Variants in GALNTL6 observed in about 807,000 individuals in gnomAD.
GALNTL6 encodes polypeptide N-acetylgalactosaminyltransferase-like 6.
GALNTL6 carries 46 observed loss-of-function variants against 73.7 expected under a neutral mutation model. The observed-to-expected ratio is 0.62, with a 90% CI of 0.49 to 0.80. GALNTL6 has a LOEUF of 0.80. Among genes scored for constraint, GALNTL6 ranks in the 30% least tolerant of loss-of-function variants. The pLI, the probability that GALNTL6 is intolerant of heterozygous loss-of-function variation, is 0.00. For missense variants in GALNTL6, 604 were observed against 755.0 expected, an observed-to-expected ratio of 0.80 and a Z score of 2.34; for synonymous variants, 259 against 263.7, an observed-to-expected ratio of 0.98 and a Z score of 0.17.
intron 5 of GALNTL6, among the ~76,000 whole-genome samples, chr4:172,592,458 G>A (rs1737674561): frequency 6.6e-6 from 1 of 152,046 alleles, no homozygotes; most frequent in Admixed American, 6.6e-5. Context: ...CATGAGATTT[G>A]GTGGGGATAA....
chr4:172,336,275 G>T (rs2654769), intron 4 of GALNTL6, among the ~76,000 whole-genome samples: 124,112 of 125,954 alleles, frequency 0.99, 61,205 homozygotes, highest in Non-Finnish European at 1. Flanking sequence ...GTTTTGTTTT[G>T]TTTTTTTTTT....
Position 172,952,168 on chromosome 4 carries a change from C to T in GALNTL6, c.1281C>T (p.Cys427=). ...AQKELRKQLK[C]KDFKWFMAAV... is the part of the protein sequence containing the mutation. ...AGGAGCTGCGCAAGCAGCTCAAGTGCAAGGACTTCAAATGGTTCATGGCTG... is the reference window on the plus strand; with the variant it reads ...AGGAGCTGCGCAAGCAGCTCAAGTGTAAGGACTTCAAATGGTTCATGGCTG... Residue 427 remains cysteine, a synonymous_variant, in exon 10 of 13, where the codon TGC becomes TGT. Coordinates refer to ENST00000506823, the MANE Select transcript of GALNTL6 (RefSeq NM_001034845.3). The T allele has an allele frequency of 6.2e-7, 1 of 1,614,104 alleles. No individual in the cohort carries two copies. Among genetic ancestry groups the T allele is most frequent in the Non-Finnish European group, 8.5e-7 (1 of 1,180,018 alleles).
intron 2 of GALNTL6, among the ~76,000 whole-genome samples, chr4:172,209,323 T>A (rs1361462001): frequency 6.6e-6 from 1 of 151,944 alleles, no homozygotes; most frequent in African/African-American, 2.4e-5. Flanking sequence ...ACTGCGAGAT[T>A]GATATTATTT....
intron 2 of GALNTL6, among the ~76,000 whole-genome samples, chr4:172,058,843 C>A (rs143604257): frequency 6.6e-6 from 1 of 152,232 alleles, no homozygotes; most frequent in African/African-American, 2.4e-5. Context: ...TCTTATAAGT[C>A]TTCAAAAGGG....
chr4:172,106,600 A>T (rs1039634186), intron 2 of GALNTL6, among the ~76,000 whole-genome samples: 12 of 152,188 alleles, frequency 7.9e-5, no homozygotes, highest in Non-Finnish European at 1.3e-4. Flanking sequence ...ACAGGAAATT[A>T]TCTATTTCCT....
At chr4:173,028,071 G>A (rs778142288) in intron 12 of GALNTL6, among the ~76,000 whole-genome samples, 29 of 152,158 alleles carry the variant, frequency 1.9e-4, no homozygotes, top group Non-Finnish European at 3.8e-4. Flanking sequence ...TCTCAATATT[G>A]TGAAGATGTC....
chr4:172,542,810 T>C (rs1489459228), intron 5 of GALNTL6, among the ~76,000 whole-genome samples: 3 of 152,064 alleles, frequency 2.0e-5, no homozygotes, highest in Admixed American at 1.3e-4. Flanking sequence ...ACAGCTGTGC[T>C]GGCCGGGCGC....
intron 5 of GALNTL6, among the ~76,000 whole-genome samples, chr4:172,384,371 G>T (rs997578047): frequency 1.3e-5 from 2 of 151,764 alleles, no homozygotes; most frequent in Non-Finnish European, 2.9e-5. Flanking sequence ...TTTAATCTAG[G>T]TTATCTAATT....
At chr4:172,604,663 C>T (rs1350080964) in intron 5 of GALNTL6, among the ~76,000 whole-genome samples, 2 of 152,104 alleles carry the variant, frequency 1.3e-5, no homozygotes, top group Admixed American at 6.6e-5. Flanking sequence ...AAAATAAGAA[C>T]GATTTTCTAA....
chr4:172,419,600 C>T (rs992295790), intron 5 of GALNTL6, among the ~76,000 whole-genome samples: 26 of 152,164 alleles, frequency 1.7e-4, no homozygotes, highest in African/African-American at 5.3e-4. Flanking sequence ...GAGTGACTTT[C>T]GAATTGAGGC....
intron 2 of GALNTL6, among the ~76,000 whole-genome samples, chr4:171,867,110 T>C (rs909797426): frequency 1.6e-4 from 25 of 152,018 alleles, no homozygotes; most frequent in African/African-American, 6.0e-4. Context: ...CCCTAGATGA[T>C]GAAAACTAGA....
At chr4:172,764,040 C>G (rs565507445) in intron 5 of GALNTL6, among the ~76,000 whole-genome samples, 1 of 150,612 alleles carries the variant, frequency 6.6e-6, no homozygotes, top group African/African-American at 2.5e-5. Flanking sequence ...CTCACAGCAA[C>G]CTCCATGTCC....
intron 5 of GALNTL6, among the ~76,000 whole-genome samples, chr4:172,478,132 C>T (rs1323770028): frequency 2.0e-5 from 3 of 151,874 alleles, no homozygotes; most frequent in African/African-American, 7.3e-5. Context: ...TGTCAAATTA[C>T]GAATGTCATT....
At chr4:172,177,819 G>GTGTGTGTA (rs1560955655) in intron 2 of GALNTL6, among the ~76,000 whole-genome samples, 1 of 131,390 alleles carries the variant, frequency 7.6e-6, no homozygotes, top group Non-Finnish European at 1.6e-5. Context: ...ATATGTGTGT[G>GTGTGTGTA]TATATATACA....
Position 172,397,269 on chromosome 4 carries a change from T to G in GALNTL6, c.553+48580T>G, listed in dbSNP as rs917864465. Among the ~76,000 whole-genome samples the G allele has an allele frequency of 4.6e-5, 7 of 152,190 alleles. No individual in the cohort carries two copies. The South Asian group carries it at 1.4e-3, about 32-fold the overall frequency. ...CTTTCATATTAGAGTTCACATTAGA[T>G]GCTAATAGAAATCCATTGATCTCCT... On this transcript the variant is annotated intron_variant, in intron 5 of 12. Transcript: ENST00000506823.
At chr4:172,398,545 CTTGAG>C in intron 5 of GALNTL6, among the ~76,000 whole-genome samples, 1 of 152,146 alleles carries the variant, frequency 6.6e-6, no homozygotes, top group South Asian at 2.1e-4. Context: ...TCGTTTATTG[CTTGAG>C]TTATGTGTTG....
intron 5 of GALNTL6, among the ~76,000 whole-genome samples, chr4:172,451,911 T>C (rs1413424966): frequency 6.6e-6 from 1 of 152,084 alleles, no homozygotes; most frequent in African/African-American, 2.4e-5. Flanking sequence ...CTCGAGAGGC[T>C]GAGGCAAAAA....
At chr4:172,239,975 T>C (rs1422400432) in intron 3 of GALNTL6, among the ~76,000 whole-genome samples, 6 of 152,182 alleles carry the variant, frequency 3.9e-5, no homozygotes, top group Admixed American at 3.9e-4. Context: ...GCTCCTTCTC[T>C]TTAGCTGCAT....
At chr4:172,049,892 G>C (rs1730792335) in intron 2 of GALNTL6, among the ~76,000 whole-genome samples, 1 of 152,054 alleles carries the variant, frequency 6.6e-6, no homozygotes, top group South Asian at 2.1e-4. Flanking sequence ...GCTGAGGTAG[G>C]AGAATTGCTT....
Sources: allele counts gnomAD v4.1 joint callset (sites outside exome capture counted in the v4.1 genomes callset), GRCh38; gene constraint gnomAD v4.1.1; transcripts MANE v1.5; gene names NCBI Gene and HGNC (gene_info 2026-07-23, HGNC 2026-07-21).